CHRM3: variants seen among roughly 807,000 people sequenced by gnomAD.
The protein encoded by CHRM3 is cholinergic receptor muscarinic 3.
In CHRM3, 11 loss-of-function variants were observed where a neutral mutation model predicts 41.8. The ratio of observed to expected loss-of-function variants is 0.26; its 90% CI spans 0.17 to 0.44. CHRM3 has a LOEUF of 0.44. Ranked by LOEUF, CHRM3 falls within the 20% of genes least tolerant of loss-of-function variation. CHRM3 has a pLI of 1.00. For synonymous variants in CHRM3, 297 were observed against 301.4 expected (o/e 0.99, Z 0.15); for missense variants, 571 against 745.4 (o/e 0.77, Z 2.72).
At chr1:239,794,116 C>T (rs138822624) in intron 5 of CHRM3, among the ~76,000 whole-genome samples, 56 of 152,148 alleles carry the variant, frequency 3.7e-4, no homozygotes, top group African/African-American at 1.3e-3. Flanking sequence ...AAATTACCCA[C>T]TTTAAATAGT....
chr1:239,833,736 T>C (rs1344141178), intron 6 of CHRM3, among the ~76,000 whole-genome samples: 3 of 152,162 alleles, frequency 2.0e-5, no homozygotes, highest in African/African-American at 7.2e-5. Context: ...GGCTCTGGCT[T>C]GGGATTACTT....
intron 2 of CHRM3, among the ~76,000 whole-genome samples, chr1:239,539,015 A>G (rs1334734260): frequency 6.6e-6 from 1 of 152,198 alleles, no homozygotes; most frequent in Non-Finnish European, 1.5e-5. Flanking sequence ...ACTGAGCTAC[A>G]ATGTGCATTT....
chr1:239,610,881 G>A (rs756059133), intron 3 of CHRM3, among the ~76,000 whole-genome samples: 9 of 152,108 alleles, frequency 5.9e-5, no homozygotes, highest in South Asian at 4.2e-4. Flanking sequence ...GTGAAACCCC[G>A]TCTCTACTAA....
chr1:239,627,077 G>C (rs1669047590), intron 3 of CHRM3, among the ~76,000 whole-genome samples: 1 of 130,046 alleles, frequency 7.7e-6, no homozygotes, highest in Admixed American at 7.9e-5. Context: ...CTGTCTCGTT[G>C]ATCTGTCTAA....
chr1:239,661,718 A>G (rs1003149197), intron 4 of CHRM3, among the ~76,000 whole-genome samples: 3 of 152,198 alleles, frequency 2.0e-5, no homozygotes, highest in Non-Finnish European at 4.4e-5. Context: ...ACTATTTTGT[A>G]TAATACTATA....
intron 1 of CHRM3, among the ~76,000 whole-genome samples, chr1:239,391,088 G>A (rs1022961329): frequency 2.0e-5 from 3 of 152,290 alleles, no homozygotes; most frequent in African/African-American, 7.2e-5. Context: ...CAGTGAGTCA[G>A]GATCATGCCA....
intron 1 of CHRM3, among the ~76,000 whole-genome samples, chr1:239,486,695 C>T (rs1667203011): frequency 6.6e-6 from 1 of 152,170 alleles, no homozygotes; most frequent in Non-Finnish European, 1.5e-5. Flanking sequence ...GGCTAATAAG[C>T]TGTAGTTTAC....
At position 239,907,592 on chromosome 1, in the gene CHRM3, C is replaced by G. The variant is rs1434671175; in HGVS notation, c.141C>G (p.Gly47=). The change falls in exon 7 of 7, where the codon GGC becomes GGG. Residue 47 remains glycine (G), a synonymous_variant. Transcript: ENST00000676153. This position sits in a 1 kb window ranked among gnomAD's most constrained non-coding sequence, Gnocchi z 5.4. ...GCTACAATGTTTCTCGAGCAGCTGG[C>G]AATTTCTCCTCTCCAGACGGTACCA... The part of the protein sequence containing the change: ...FGSYNVSRAA[G]NFSSPDGTTD... 1 of 1,614,168 alleles carries G rather than the reference C, an allele frequency of 6.2e-7. No individual in the cohort carries two copies. The highest frequency in any genetic ancestry group is 8.5e-7 in the Non-Finnish European group (1 of 1,180,038).
chr1:239,608,981 A>G (rs6675339), intron 3 of CHRM3, among the ~76,000 whole-genome samples: 52,370 of 152,028 alleles, frequency 0.34, 9,191 homozygotes, highest in East Asian at 0.52. Context: ...TTACTAAGAC[A>G]TAATTGATAT....
chr1:239,472,042 A>G (rs1264007251), intron 1 of CHRM3, among the ~76,000 whole-genome samples: 1 of 152,210 alleles, frequency 6.6e-6, no homozygotes. Flanking sequence ...AATATTCAGC[A>G]GAAAACTTCC....
At chr1:239,578,063 T>G (rs1662540469) in intron 3 of CHRM3, among the ~76,000 whole-genome samples, 1 of 152,178 alleles carries the variant, frequency 6.6e-6, no homozygotes, top group South Asian at 2.1e-4. Context: ...ACTAATGGTT[T>G]GATTTTCAGT....
intron 4 of CHRM3, among the ~76,000 whole-genome samples, chr1:239,642,644 G>A (rs1021885024): frequency 6.6e-6 from 1 of 151,936 alleles, no homozygotes; most frequent in Non-Finnish European, 1.5e-5. Flanking sequence ...TCTCTGTATT[G>A]GTTATTCTAG....
In CHRM3 at chr1:239,560,916, C is replaced by T. The variant is rs191728684; in HGVS notation, c.-313+15167C>T. On this transcript the variant is annotated intron_variant, in intron 3 of 6. Transcript: ENST00000676153. Reference sequence around the variant, plus strand: ...TGTTTCTCCCCCATCTGTCTCATCTCCCTTTCCCAGGCTTCACTCCTTCCC... The same window carrying T: ...TGTTTCTCCCCCATCTGTCTCATCTTCCTTTCCCAGGCTTCACTCCTTCCC... 1.1e-3 allele frequency among the ~76,000 whole-genome samples: 172 copies of T among 152,230 alleles called. 1 individual carries two copies. The highest frequency in any genetic ancestry group is 1.8e-3 in the Non-Finnish European group (122 of 68,014).
rs1028004609 is a variant in CHRM3, at chr1:239,913,960, T to G, written c.*4736T>G. ...AAGTTCTGACCCTACCACTCTGGTCTGGGCTGAGACCACCCCAAAAAATCA... is the reference window on the plus strand; with the variant it reads ...AAGTTCTGACCCTACCACTCTGGTCGGGGCTGAGACCACCCCAAAAAATCA... On this transcript the variant is annotated 3_prime_UTR_variant, in exon 7 of 7. Coordinates refer to ENST00000676153, the MANE Select transcript of CHRM3 (RefSeq NM_001375978.1). 1 of 166,890 alleles carries G rather than the reference T, an allele frequency of 6.0e-6. No homozygotes were observed. The highest frequency in any genetic ancestry group is 1.5e-5 in the Non-Finnish European group (1 of 68,084). The allele number at this position is 166,890 out of a possible 1,614,324, so 10.3% of individuals were successfully genotyped here.
In CHRM3 at chr1:239,509,344, A is replaced by C. The variant is rs370983538; in HGVS notation, c.-422+16537A>C. On this transcript the variant is annotated intron_variant, in intron 2 of 6. Coordinates refer to ENST00000676153, the MANE Select transcript of CHRM3 (RefSeq NM_001375978.1). ...TTATAGTCTTACAATTATTTAAATA[A>C]ATGCTATCAATGAGAATAACCAATA... 2.6e-5 allele frequency among the ~76,000 whole-genome samples: 4 copies of C among 152,348 alleles called. No homozygotes were observed. The East Asian group carries it at 7.7e-4, about 29-fold the overall frequency.
intron 1 of CHRM3, among the ~76,000 whole-genome samples, chr1:239,397,626 C>T (rs747339476): frequency 1.7e-4 from 26 of 151,024 alleles, no homozygotes; most frequent in South Asian, 6.3e-4. Flanking sequence ...GAGCGGAGAT[C>T]GTGCCACTGC....
rs575570889 is a variant in CHRM3 at position 239,512,582 on chromosome 1, A to C, written c.-422+19775A>C. Among the ~76,000 whole-genome samples the C allele has an allele frequency of 1.9e-4, 28 of 151,132 alleles. No individual in the cohort carries two copies. In the South Asian group the frequency reaches 2.9e-3, roughly 16 times the overall value. On this transcript the variant is annotated intron_variant, in intron 2 of 6. Transcript: ENST00000676153. ...TATAGTCAGTTTGCTTTTTTACTTC[A>C]TTCCTTCCTTCCTTGTACCCTTTCT...
intron 2 of CHRM3, among the ~76,000 whole-genome samples, chr1:239,534,875 G>A (rs372694808): frequency 6.6e-6 from 1 of 152,154 alleles, no homozygotes; most frequent in African/African-American, 2.4e-5. Flanking sequence ...GAAAGGTTCG[G>A]TACCACTGGT....
chr1:239,572,120 A>G (rs546532812), intron 3 of CHRM3, among the ~76,000 whole-genome samples: 1 of 152,276 alleles, frequency 6.6e-6, no homozygotes, highest in South Asian at 2.1e-4. Context: ...TTTTTTAGCC[A>G]TTTTACCACC....
Sources: gnomAD v4.1 joint callset for allele counts (sites outside exome capture counted in the v4.1 genomes callset) on GRCh38, gnomAD v4.1.1 for gene constraint, Gnocchi (gnomAD v3.1) non-coding constraint, MANE v1.5 for transcripts, NCBI Gene and HGNC (gene_info 2026-07-23, HGNC 2026-07-21) for gene names.